DSCAM: variants seen among roughly 807,000 people sequenced by gnomAD.
The protein encoded by DSCAM is cell adhesion molecule DSCAM.
A neutral mutation model predicts 217.7 loss-of-function variants in DSCAM; 47 were observed. The ratio of observed to expected loss-of-function variants is 0.22; its 90% CI spans 0.17 to 0.28. The LOEUF (loss-of-function observed/expected upper bound fraction) is 0.28, where lower values mean the gene tolerates loss of function less well. Among genes scored for constraint, DSCAM ranks in the 10% least tolerant of loss-of-function variants. The pLI, the probability that DSCAM is intolerant of heterozygous loss-of-function variation, is 1.00. For missense variants in DSCAM, 2,080 were observed against 2,618.3 expected (o/e 0.79, Z 4.49); for synonymous variants, 1,056 against 1,015.3 (o/e 1.04, Z -0.76).
intron 8 of DSCAM, among the ~76,000 whole-genome samples, chr21:40,329,130 A>G (rs1471095100): frequency 6.6e-6 from 1 of 152,234 alleles, no homozygotes; most frequent in African/African-American, 2.4e-5. Context: ...TAAAAATAGA[A>G]CCACCATATT....
intron 20 of DSCAM, among the ~76,000 whole-genome samples, chr21:40,117,316 A>C (rs2089982705): frequency 6.6e-6 from 1 of 152,146 alleles, no homozygotes; most frequent in Non-Finnish European, 1.5e-5. Context: ...ACAATAACGC[A>C]AGAGATTGTG....
At chr21:40,349,317 G>GAA (rs1001165366) in intron 5 of DSCAM, among the ~76,000 whole-genome samples, 71 of 144,064 alleles carry the variant, frequency 4.9e-4, no homozygotes, top group African/African-American at 1.6e-3. Flanking sequence ...CAATTGTGAG[G>GAA]AAAAAAAAAA....
At chr21:40,612,818 G>C (rs1260547531) in intron 3 of DSCAM, among the ~76,000 whole-genome samples, 1 of 152,198 alleles carries the variant, frequency 6.6e-6, no homozygotes, top group Non-Finnish European at 1.5e-5. Flanking sequence ...CAGTGGCTGA[G>C]TGAAGACACA....
chr21:40,746,621 A>G lies in DSCAM; in HGVS notation c.44-37850T>C, dbSNP rs560110406. Among the ~76,000 whole-genome samples, 3 of 152,018 alleles carry G rather than the reference A, an allele frequency of 2.0e-5. No individual in the cohort carries two copies. The South Asian group carries it at 6.2e-4, about 32-fold the overall frequency. Reference sequence around the variant, plus strand: ...AGATTGACTATAATACAATAAGAGTAGGGAACTTTAATACCCCTACTTTCA... The same window carrying G: ...AGATTGACTATAATACAATAAGAGTGGGGAACTTTAATACCCCTACTTTCA... On this transcript the variant is annotated intron_variant, in intron 1 of 32. Coordinates refer to ENST00000400454, the MANE Select transcript of DSCAM (RefSeq NM_001389.5).
At chr21:40,261,024 C>T (rs945176444) in intron 11 of DSCAM, among the ~76,000 whole-genome samples, 1 of 152,072 alleles carries the variant, frequency 6.6e-6, no homozygotes, top group Non-Finnish European at 1.5e-5. Flanking sequence ...AAAGAAGACC[C>T]CTCCGTTATC....
chr21:40,402,191 C>T (rs1187399627), intron 3 of DSCAM, among the ~76,000 whole-genome samples: 1 of 149,592 alleles, frequency 6.7e-6, no homozygotes, highest in Non-Finnish European at 1.5e-5. Flanking sequence ...TCCCGAGTAG[C>T]TGGGACTACA....
intron 1 of DSCAM, among the ~76,000 whole-genome samples, chr21:40,790,333 C>T (rs1443120002): frequency 6.6e-6 from 1 of 152,048 alleles, no homozygotes; most frequent in Non-Finnish European, 1.5e-5. Context: ...AGGTGTGCTC[C>T]GTCACACCCA....
chr21:40,496,976 A>G (rs1400671627), intron 3 of DSCAM, among the ~76,000 whole-genome samples: 2 of 152,218 alleles, frequency 1.3e-5, no homozygotes, highest in African/African-American at 2.4e-5. Flanking sequence ...CTGTTATCAA[A>G]AAGACAAAAG....
Position 40,193,311 on chromosome 21 carries a change from C to G in DSCAM, c.2357-4073G>C, listed in dbSNP as rs957921814. Among the ~76,000 whole-genome samples the G allele has an allele frequency of 1.3e-5, 2 of 152,092 alleles. 1 individual carries two copies. ...CACAGAGGAACTGAAGGTGGTGGCA[C>G]TTTCTGTTTGGCCTCAATCCACTAA... On this transcript the variant is annotated intron_variant, in intron 11 of 32. Coordinates refer to ENST00000400454, the MANE Select transcript of DSCAM (RefSeq NM_001389.5).
chr21:40,308,944 C>T (rs10483064), intron 9 of DSCAM, among the ~76,000 whole-genome samples: 2,717 of 152,226 alleles, frequency 0.018, 75 homozygotes, highest in African/African-American at 0.062. Context: ...CTACTTTGAA[C>T]GTACTACTGC....
At chr21:40,166,149 C>T (rs1213876554) in intron 16 of DSCAM, among the ~76,000 whole-genome samples, 1 of 152,056 alleles carries the variant, frequency 6.6e-6, no homozygotes, top group Non-Finnish European at 1.5e-5. Flanking sequence ...TATGAAAGAA[C>T]CCATACTAGA....
At chr21:40,776,201 C>T (rs911986423) in intron 1 of DSCAM, among the ~76,000 whole-genome samples, 8 of 152,076 alleles carry the variant, frequency 5.3e-5, no homozygotes, top group African/African-American at 1.9e-4. Context: ...TAAATAAATA[C>T]CTCTAATATA....
In DSCAM at chr21:40,740,516, C is replaced by G. The variant is rs893409896; in HGVS notation, c.44-31745G>C. On this transcript the variant is annotated intron_variant, in intron 1 of 32. Coordinates refer to ENST00000400454, the MANE Select transcript of DSCAM (RefSeq NM_001389.5). ...TTCAAAACTTCCATGGAGCATCAAG[C>G]CTTATTTACATTTGAGTGCAAATTA... Among the ~76,000 whole-genome samples, 7 of 152,272 alleles carry G rather than the reference C, an allele frequency of 4.6e-5. No homozygotes were observed. In the South Asian group the frequency reaches 6.2e-4, roughly 14 times the overall value.
intron 3 of DSCAM, among the ~76,000 whole-genome samples, chr21:40,577,487 G>A (rs899868553): frequency 1.3e-5 from 2 of 152,174 alleles, no homozygotes; most frequent in Admixed American, 6.5e-5. Flanking sequence ...CCTTCCGGGG[G>A]AGCCCGGAGC....
At chr21:40,216,045 G>A (rs944228554) in intron 11 of DSCAM, among the ~76,000 whole-genome samples, 12 of 151,874 alleles carry the variant, frequency 7.9e-5, no homozygotes, top group African/African-American at 2.7e-4. Context: ...CAGAATAAGT[G>A]CTAAGCAAGT....
chr21:40,333,208 T>C (rs1184123637), intron 8 of DSCAM, among the ~76,000 whole-genome samples: 1 of 152,222 alleles, frequency 6.6e-6, no homozygotes, highest in Non-Finnish European at 1.5e-5. Flanking sequence ...CTAAGTCTTT[T>C]CCTAAAATTT....
intron 11 of DSCAM, among the ~76,000 whole-genome samples, chr21:40,205,303 C>A (rs16999481): frequency 0.042 from 6,429 of 152,232 alleles, 436 homozygotes; most frequent in African/African-American, 0.15. Flanking sequence ...CTCCTTCATG[C>A]AAGTAAGTGT....
intron 8 of DSCAM, among the ~76,000 whole-genome samples, chr21:40,328,976 C>T (rs1047783120): frequency 1.3e-5 from 2 of 152,114 alleles, no homozygotes; most frequent in Non-Finnish European, 2.9e-5. Context: ...TCATCTCACA[C>T]ATGTTAGAAT....
chr21:40,789,014 T>G (rs927858608), intron 1 of DSCAM, among the ~76,000 whole-genome samples: 1 of 152,186 alleles, frequency 6.6e-6, no homozygotes, highest in Non-Finnish European at 1.5e-5. Flanking sequence ...TTTTATCTCA[T>G]TGCCTGGCGC....
Sources: allele counts gnomAD v4.1 joint callset (sites outside exome capture counted in the v4.1 genomes callset), GRCh38; gene constraint gnomAD v4.1.1; transcripts MANE v1.5; gene names NCBI Gene and HGNC (gene_info 2026-07-23, HGNC 2026-07-21).